The following GRAMD1B variants were observed in gnomAD, a reference collection of about 807,000 sequenced individuals.
GRAMD1B encodes the protein GRAM domain containing 1B, also known as protein Aster-B.
GRAMD1B carries 37 observed loss-of-function variants against 99.7 expected under a neutral mutation model. That is an observed-to-expected ratio of 0.37 (90% CI 0.29 to 0.49). The LOEUF (loss-of-function observed/expected upper bound fraction) is 0.49. Ranked by LOEUF, GRAMD1B falls within the 20% of genes least tolerant of loss-of-function variation. The pLI, the probability that GRAMD1B is intolerant of heterozygous loss-of-function variation, is 0.98. For missense variants in GRAMD1B, 888 were observed against 1,009.2 expected (o/e 0.88, Z 1.63); for synonymous variants, 427 against 387.6 (o/e 1.10, Z -1.19).
chr11:123,495,314 T>C (rs996075658), intron 2 of GRAMD1B, among the ~76,000 whole-genome samples: 1 of 152,190 alleles, frequency 6.6e-6, no homozygotes, highest in African/African-American at 2.4e-5. Flanking sequence ...AGTAGGTGTA[T>C]ATGTTTATGG....
At chr11:123,426,967 T>C (rs1269206358), upstream of GRAMD1B, among the ~76,000 whole-genome samples, 2 of 152,226 alleles carry the variant, frequency 1.3e-5, no homozygotes, top group Non-Finnish European at 2.9e-5. Context: ...CTTGGTAATA[T>C]GACCTCCTTT....
At chr11:123,393,249 G>C (rs1473630246) in intron 1 of GRAMD1B, among the ~76,000 whole-genome samples, 1 of 152,200 alleles carries the variant, frequency 6.6e-6, no homozygotes, top group Non-Finnish European at 1.5e-5. Flanking sequence ...AGAACCAAAT[G>C]CCAGTTACTT....
chr11:123,611,064 A>T (rs1953472454), intron 14 of GRAMD1B, among the ~76,000 whole-genome samples: 1 of 152,210 alleles, frequency 6.6e-6, no homozygotes, highest in Non-Finnish European at 1.5e-5. Flanking sequence ...TTTTGGTTGT[A>T]AGGAGCCAAA....
Position 123,388,706 on chromosome 11 carries a change from CAA to C in GRAMD1B, c.-176+29909_-176+29910del, listed in dbSNP as rs1174375063. On this transcript the variant is annotated intron_variant, in intron 1 of 20. Transcript: ENST00000638157. ...TCAAACAAACAAACAAACAAACAAA[CAA>C]ACAAACAAAGAAGAGGTCAGAGGGA... Among the ~76,000 whole-genome samples, 17 of 151,552 alleles carry C rather than the reference CAA, an allele frequency of 1.1e-4. No homozygotes were observed. In the South Asian group the frequency reaches 2.5e-3, roughly 22 times the overall value.
At chr11:123,560,188 T>TGGGCGTGTGC in intron 2 of GRAMD1B, 1 of 1,029,400 alleles carries the variant, frequency 9.7e-7, no homozygotes, top group Non-Finnish European at 1.2e-6. Flanking sequence ...TGTGCGTGTG[T>TGGGCGTGTGC]GCGCGTGTGC....
At chr11:123,435,224 C>T (rs1450228267) in intron 1 of GRAMD1B, among the ~76,000 whole-genome samples, 1 of 152,200 alleles carries the variant, frequency 6.6e-6, no homozygotes, top group Non-Finnish European at 1.5e-5. Context: ...CCAGGCCCAG[C>T]ATGACGTCTC....
At position 123,388,681 on chromosome 11, in the gene GRAMD1B, TCAAACAAACAAA is replaced by T. The variant is rs35971361; in HGVS notation, c.-176+29907_-176+29918del. ...AACAGAATGACAGTGAGACCCTGTT[TCAAACAAACAAA>T]CAAACAAACAAACAAACAAACAAAG... is the stretch of plus-strand genomic sequence containing the variant. On this transcript the variant is annotated intron_variant, in intron 1 of 20. Transcript: ENST00000638157. Among the ~76,000 whole-genome samples, 397 of 149,556 alleles carry T rather than the reference TCAAACAAACAAA, an allele frequency of 2.7e-3. 1 individual carries two copies. The highest frequency in any genetic ancestry group is 9.2e-3 in the African/African-American group (370 of 40,012).
In GRAMD1B at chr11:123,513,609, C is replaced by CTTTCTTTCTTTCTTTCTTTCTTT. The variant is rs1206527809; in HGVS notation, c.452+32716_452+32717insTTTCTTTCTTTCTTTCTTTCTTT. 7.1e-3 allele frequency among the ~76,000 whole-genome samples: 253 copies of CTTTCTTTCTTTCTTTCTTTCTTT among 35,638 alleles called. 1 individual carries two copies. Among genetic ancestry groups the CTTTCTTTCTTTCTTTCTTTCTTT allele is most frequent in the Middle Eastern group, 0.024 (1 of 42 alleles). 23.4% of individuals were successfully genotyped at this position (35,638 alleles called of 152,430 possible). On this transcript the variant is annotated intron_variant, in intron 2 of 19. Transcript: ENST00000635736. ...TCCTTCCTTCCTTCCTTCCTTCCTTCCTTCCTTCCTTTCTTTCTTTCTTTC... is the reference window on the plus strand; with the variant it reads ...TCCTTCCTTCCTTCCTTCCTTCCTTCTTTCTTTCTTTCTTTCTTTCTTTCTTCCTTCCTTTCTTTCTTTCTTTC...
chr11:123,481,575 A>G (rs988815197), intron 2 of GRAMD1B, among the ~76,000 whole-genome samples: 21 of 152,226 alleles, frequency 1.4e-4, no homozygotes, highest in African/African-American at 4.8e-4. Flanking sequence ...GAAGCTGCAT[A>G]GCCCAGGATG....
At chr11:123,605,077 G>A (rs1952522190) in intron 9 of GRAMD1B, among the ~76,000 whole-genome samples, 2 of 149,794 alleles carry the variant, frequency 1.3e-5, no homozygotes, top group Admixed American at 6.6e-5. Context: ...AGGCTGCCTA[G>A]GAAAGGTGAG....
At chr11:123,520,124 A>G (rs1378281506) in intron 2 of GRAMD1B, among the ~76,000 whole-genome samples, 2 of 152,240 alleles carry the variant, frequency 1.3e-5, no homozygotes, top group Non-Finnish European at 2.9e-5. Context: ...TTTAAGACTC[A>G]TAGGAGACCA....
chr11:123,513,613 CCTTCCTTT>C lies in GRAMD1B; in HGVS notation c.452+32724_452+32731del, dbSNP rs1417534336. Among the ~76,000 whole-genome samples the C allele has an allele frequency of 3.7e-3, 148 of 40,538 alleles. 2 individuals are homozygous for C. The highest frequency in any genetic ancestry group is 8.6e-3 in the African/African-American group (136 of 15,760). The allele number at this position is 40,538 out of a possible 152,430, so 26.6% of individuals were successfully genotyped here. On this transcript the variant is annotated intron_variant, in intron 2 of 19. Coordinates refer to ENST00000635736, the MANE Select transcript of GRAMD1B (RefSeq NM_001387025.1). ...TCCTTCCTTCCTTCCTTCCTTCCTT[CCTTCCTTT>C]CTTTCTTTCTTTCTTTCTTTCTTTT... is the stretch of plus-strand genomic sequence containing the variant.
intron 1 of GRAMD1B, among the ~76,000 whole-genome samples, chr11:123,453,316 G>GTA (rs1333493078): frequency 2.0e-5 from 3 of 151,528 alleles, no homozygotes; most frequent in South Asian, 2.1e-4. Flanking sequence ...GTATATGCAA[G>GTA]TATATATATC....
Position 123,608,273 on chromosome 11 carries a change from G to C in GRAMD1B, c.1514-386G>C, listed in dbSNP as rs890731983. 5.4e-6 allele frequency: 3 copies of C among 560,498 alleles called. No individual in the cohort carries two copies. The African/African-American group carries it at 5.6e-5, about 11-fold the overall frequency. 34.7% of individuals were successfully genotyped at this position (560,498 alleles called of 1,614,324 possible). On this transcript the variant is annotated intron_variant, in intron 11 of 19. Coordinates refer to ENST00000635736, the MANE Select transcript of GRAMD1B (RefSeq NM_001387025.1). Reference sequence around the variant, plus strand: ...TACAACTACAATTTGTTGTCGATTAGAGTTAACTTACAGACTCTCAAAACC... The same window carrying C: ...TACAACTACAATTTGTTGTCGATTACAGTTAACTTACAGACTCTCAAAACC...
chr11:123,621,862 TTTC>T (rs924486311), intron 19 of GRAMD1B, among the ~76,000 whole-genome samples: 2 of 141,868 alleles, frequency 1.4e-5, no homozygotes, highest in African/African-American at 5.2e-5. Context: ...ATTGTCTTTC[TTTC>T]TTTTCTTTCT....
intron 2 of GRAMD1B, among the ~76,000 whole-genome samples, chr11:123,540,096 G>A (rs373183338): frequency 6.0e-5 from 9 of 150,974 alleles, no homozygotes; most frequent in African/African-American, 1.7e-4. Context: ...TTGAGATAAG[G>A]TTTCTGTCAT....
At chr11:123,619,020 C>T (rs1954797902) in intron 18 of GRAMD1B, 87 bp from the exon 19 acceptor site, 1 of 759,042 alleles carries the variant, frequency 1.3e-6, no homozygotes. Context: ...TCTGATGTGA[C>T]TCTCTGTCCT....
intron 1 of GRAMD1B, among the ~76,000 whole-genome samples, chr11:123,439,057 T>C (rs1949290230): frequency 6.6e-6 from 1 of 152,188 alleles, no homozygotes; most frequent in Non-Finnish European, 1.5e-5. Context: ...CCATAGCACA[T>C]ATCAGTGTGT....
intron 2 of GRAMD1B, among the ~76,000 whole-genome samples, chr11:123,570,756 A>C (rs1399835970): frequency 1.3e-5 from 2 of 152,144 alleles, no homozygotes; most frequent in Non-Finnish European, 2.9e-5. Context: ...GCAGCTCAAA[A>C]ATATTTATGG....
Sources: allele counts gnomAD v4.1 joint callset (sites outside exome capture counted in the v4.1 genomes callset), GRCh38; gene constraint gnomAD v4.1.1; transcripts MANE v1.5; gene names NCBI Gene and HGNC (gene_info 2026-07-23, HGNC 2026-07-21).